Variants in TENM2 observed in about 807,000 individuals in gnomAD.
TENM2 encodes the protein teneurin-2.
A neutral mutation model predicts 245.2 loss-of-function variants in TENM2; 52 were observed. That is an observed-to-expected ratio of 0.21 (90% CI 0.17 to 0.27). The LOEUF is 0.27. Ranked by LOEUF, TENM2 falls within the 10% of genes least tolerant of loss-of-function variation. The pLI, the probability that TENM2 is intolerant of heterozygous loss-of-function variation, is 1.00. For missense variants in TENM2, 3,046 were observed against 3,666.8 expected (o/e 0.83, Z 4.37); for synonymous variants, 1,363 against 1,438.9 (o/e 0.95, Z 1.19).
chr5:167,094,868 G>A, the TENM2 span, among the ~76,000 whole-genome samples: 1 of 152,060 alleles, frequency 6.6e-6, no homozygotes, highest in Admixed American at 6.6e-5. Context: ...TACTGGGGAA[G>A]GTATTTTAGA....
chr5:167,218,429 A>G, the TENM2 span, among the ~76,000 whole-genome samples: 15 of 152,108 alleles, frequency 9.9e-5, no homozygotes, highest in African/African-American at 3.6e-4. Context: ...AGGTAGGCTC[A>G]AAAAGTTTTT....
rs1763396908 is a variant in TENM2 at position 168,218,518 on chromosome 5, T to C, written c.4627T>C (p.Leu1543=). 1 of 1,613,950 alleles carries C rather than the reference T, an allele frequency of 6.2e-7. No homozygotes were observed. Among genetic ancestry groups the C allele is most frequent in the Non-Finnish European group, 8.5e-7 (1 of 1,179,914 alleles). The change falls in exon 23 of 29, where the codon TTG becomes CTG. Residue 1543 remains leucine (L), a synonymous_variant. Coordinates refer to ENST00000518659, the Ensembl canonical transcript of TENM2. The surrounding 1 kb of genome is among the most constrained non-coding windows in gnomAD (Gnocchi z 5.2). ...TGATGCCTACGCGACTGATGCCATCTTGAATTCCCCATCATCCTTAGCTGT... is the reference window on the plus strand; with the variant it reads ...TGATGCCTACGCGACTGATGCCATCCTGAATTCCCCATCATCCTTAGCTGT...
chr5:167,210,128 A>G, the TENM2 span, among the ~76,000 whole-genome samples: 1 of 152,214 alleles, frequency 6.6e-6, no homozygotes, highest in East Asian at 1.9e-4. Context: ...TTCATAAAGT[A>G]GGTATCATTG....
intron 3 of TENM2, among the ~76,000 whole-genome samples, chr5:167,910,977 A>G (rs1776499548): frequency 6.6e-6 from 1 of 152,216 alleles, no homozygotes; most frequent in African/African-American, 2.4e-5. Flanking sequence ...ACCCTAGGAA[A>G]AAAGCGTATT....
chr5:167,795,329 G>T (rs1765244131), intron 2 of TENM2, among the ~76,000 whole-genome samples: 1 of 152,198 alleles, frequency 6.6e-6, no homozygotes, highest in African/African-American at 2.4e-5. Flanking sequence ...AAGCTCTTTT[G>T]CAGGAAAGTG....
chr5:167,952,508 A>G (rs1780189006), intron 3 of TENM2, 80 bp from the exon 6 acceptor site: 2 of 1,237,734 alleles, frequency 1.6e-6, no homozygotes, highest in African/African-American at 1.5e-5. Context: ...CTTTGGTTTG[A>G]AACTCTCCTC....
chr5:167,443,115 G>T (rs1484968347), intron 2 of TENM2, among the ~76,000 whole-genome samples: 1 of 152,166 alleles, frequency 6.6e-6, no homozygotes, highest in Non-Finnish European at 1.5e-5. Context: ...ATGATGATAA[G>T]GTTTATTATT....
At chr5:168,090,859 T>A (rs188634180) in intron 8 of TENM2, 90 bp downstream of exon 10, 15 of 1,196,810 alleles carry the variant, frequency 1.3e-5, no homozygotes, top group African/African-American at 4.6e-5. Flanking sequence ...TCTAAGGTAG[T>A]TTCTACTACA....
At chr5:167,818,524 A>G (rs1767247517) in intron 2 of TENM2, among the ~76,000 whole-genome samples, 2 of 152,140 alleles carry the variant, frequency 1.3e-5, no homozygotes, top group African/African-American at 4.8e-5. Context: ...CTCATTACCC[A>G]TAGTTTCCAG....
intron 2 of TENM2, among the ~76,000 whole-genome samples, chr5:167,409,032 T>A (rs989651957): frequency 6.6e-6 from 1 of 151,730 alleles, no homozygotes; most frequent in Admixed American, 6.6e-5. Context: ...TCATTTAATA[T>A]ACTAAGGTAA....
the TENM2 span, among the ~76,000 whole-genome samples, chr5:167,013,021 ATGGGCAGGGGCCAGACCTTG>A: frequency 2.6e-5 from 4 of 152,176 alleles, no homozygotes; most frequent in African/African-American, 9.6e-5. Context: ...AGCTAAAGAT[ATGGGCAGGGGCCAGACCTTG>A]TGGGCTTATG....
the TENM2 span, among the ~76,000 whole-genome samples, chr5:167,238,323 A>G: frequency 2.0e-5 from 3 of 152,338 alleles, no homozygotes; most frequent in East Asian, 3.9e-4. Flanking sequence ...GTATCATACA[A>G]TCAATAGATC....
chr5:167,019,759 C>T, the TENM2 span, among the ~76,000 whole-genome samples: 1 of 152,020 alleles, frequency 6.6e-6, no homozygotes, highest in Non-Finnish European at 1.5e-5. Context: ...CGTGAGCCAC[C>T]GTGCCCAGCC....
At chr5:168,012,774 G>GAAAAATAAAAAAAAAAAAAA (rs1785341147) in intron 5 of TENM2, among the ~76,000 whole-genome samples, 1 of 74,280 alleles carries the variant, frequency 1.3e-5, no homozygotes, top group African/African-American at 5.1e-5. Flanking sequence ...AAGAACAACT[G>GAAAAATAAAAAAAAAAAAAA]AAAAAAAAAA....
the TENM2 span, among the ~76,000 whole-genome samples, chr5:167,117,420 G>C: frequency 6.6e-6 from 1 of 152,174 alleles, no homozygotes; most frequent in East Asian, 1.9e-4. Flanking sequence ...GGAGAATGGC[G>C]TGAACCCGGG....
chr5:167,507,701 A>T (rs2127564675), intron 2 of TENM2, among the ~76,000 whole-genome samples: 1 of 152,218 alleles, frequency 6.6e-6, no homozygotes, highest in South Asian at 2.1e-4. Context: ...GAGCTCAATG[A>T]AAACTAAAAT....
intron 1 of TENM2, among the ~76,000 whole-genome samples, chr5:167,344,925 C>T (rs1026950374): frequency 8.5e-5 from 13 of 152,068 alleles, no homozygotes; most frequent in African/African-American, 3.1e-4. Flanking sequence ...CAAAATCAGC[C>T]TTTGTCTTCC....
At chr5:167,474,723 T>C (rs1160017945) in intron 2 of TENM2, among the ~76,000 whole-genome samples, 1 of 151,814 alleles carries the variant, frequency 6.6e-6, no homozygotes, top group Non-Finnish European at 1.5e-5. Context: ...GCCATGTTAG[T>C]CAGGCTGGTC....
At chr5:168,012,709 G>T (rs1388372022) in intron 5 of TENM2, among the ~76,000 whole-genome samples, 2 of 138,568 alleles carry the variant, frequency 1.4e-5, no homozygotes, top group Admixed American at 1.5e-4. Context: ...TCCTTCTCAG[G>T]ATGCTCAGCC....
Sources: allele counts gnomAD v4.1 joint callset (sites outside exome capture counted in the v4.1 genomes callset), GRCh38; gene constraint gnomAD v4.1.1; non-coding constraint Gnocchi (gnomAD v3.1); transcripts MANE v1.5; gene names NCBI Gene and HGNC (gene_info 2026-07-23, HGNC 2026-07-21).